The following PHKB variants were observed in gnomAD, a reference collection of about 807,000 sequenced individuals.
The protein encoded by PHKB is phosphorylase kinase regulatory subunit beta, also known as phosphorylase b kinase regulatory subunit beta.
PHKB carries 122 observed loss-of-function variants against 152.1 expected under a neutral mutation model. The ratio of observed to expected loss-of-function variants is 0.80; its 90% confidence interval spans 0.69 to 0.93. The LOEUF (loss-of-function observed/expected upper bound fraction) is 0.93. PHKB is among the 40% of genes least tolerant of loss of function. The probability of loss-of-function intolerance (pLI) is 0.00; values close to 1 mark genes in which losing one functional copy is unlikely to be tolerated. For missense variants in PHKB, 1,304 were observed against 1,328.4 expected, an observed-to-expected ratio of 0.98 and a Z score of 0.29; for synonymous variants, 436 against 464.9, an observed-to-expected ratio of 0.94 and a Z score of 0.80.
chr16:47,469,629 G>A (rs544682191), intron 1 of PHKB, among the ~76,000 whole-genome samples: 8 of 151,952 alleles, frequency 5.3e-5, no homozygotes, highest in Non-Finnish European at 1.0e-4. Context: ...GGCAGGGCAG[G>A]GGTTGAAAAA....
At chr16:47,493,648 G>A (rs1054815777) in intron 1 of PHKB, among the ~76,000 whole-genome samples, 70 of 152,126 alleles carry the variant, frequency 4.6e-4, no homozygotes, top group African/African-American at 1.5e-3. Context: ...CATAATTTTC[G>A]TTTTCCTTCC....
rs140022302 is a variant in PHKB at position 47,548,056 on chromosome 16, C to T, written c.710+508C>T. 9.4e-4 allele frequency: 152 copies of T among 161,470 alleles called. No individual in the cohort carries two copies. The East Asian group carries it at 0.012, about 13-fold the overall frequency. 10.0% of individuals were successfully genotyped at this position (161,470 alleles called of 1,614,324 possible). The stretch of plus-strand genomic sequence containing the variant: ...GATCAACATCTTGAGCTGTGGTTTA[C>T]TGCGTTTGAATAAGCAACAATAGCT... On this transcript the variant is annotated intron_variant, in intron 7 of 30. Coordinates refer to ENST00000323584, the MANE Select transcript of PHKB (RefSeq NM_000293.3).
At chr16:47,562,870 C>A (rs1426311853) in intron 7 of PHKB, among the ~76,000 whole-genome samples, 2 of 152,198 alleles carry the variant, frequency 1.3e-5, no homozygotes, top group African/African-American at 2.4e-5. Context: ...CAAACCCTGC[C>A]ACTGCTTTAT....
chr16:47,477,372 A>G (rs900838027), intron 1 of PHKB, among the ~76,000 whole-genome samples: 5 of 152,206 alleles, frequency 3.3e-5, no homozygotes, highest in Admixed American at 1.3e-4. Flanking sequence ...TAATAATACA[A>G]GTTGAATGAA....
intron 14 of PHKB, among the ~76,000 whole-genome samples, chr16:47,635,367 A>C (rs1197061728): frequency 6.6e-6 from 1 of 152,206 alleles, no homozygotes; most frequent in African/African-American, 2.4e-5. Flanking sequence ...TTAAGAGTAT[A>C]TAATTTAATA....
chr16:47,571,702 C>A (rs774270418), intron 7 of PHKB, among the ~76,000 whole-genome samples: 1 of 152,192 alleles, frequency 6.6e-6, no homozygotes, highest in Non-Finnish European at 1.5e-5. Flanking sequence ...CCAGCTGTAT[C>A]TGCGTTGTTG....
At chr16:47,685,194 A>G (rs529830016) in intron 26 of PHKB, among the ~76,000 whole-genome samples, 1 of 152,300 alleles carries the variant, frequency 6.6e-6, no homozygotes. Context: ...TGGGAGGCCG[A>G]GGTGGGCGGA....
chr16:47,563,493 A>T (rs1332814728), intron 7 of PHKB, among the ~76,000 whole-genome samples: 1 of 151,944 alleles, frequency 6.6e-6, no homozygotes, highest in Non-Finnish European at 1.5e-5. Flanking sequence ...CAAGGGAATC[A>T]TTTTTTTCTG....
intron 1 of PHKB, among the ~76,000 whole-genome samples, chr16:47,488,776 G>C (rs1370502401): frequency 6.6e-6 from 1 of 151,976 alleles, no homozygotes; most frequent in Non-Finnish European, 1.5e-5. Flanking sequence ...TTTATTTCTG[G>C]TTTCTGTAGC....
At chr16:47,471,838 G>A (rs1261701810) in intron 1 of PHKB, among the ~76,000 whole-genome samples, 3 of 152,124 alleles carry the variant, frequency 2.0e-5, no homozygotes, top group Non-Finnish European at 2.9e-5. Flanking sequence ...TATGTGTCAC[G>A]AGGTCAGGAG....
chr16:47,461,498 G>C (rs1969554896), intron 1 of PHKB, 72 bp downstream of exon 1: 1 of 1,500,970 alleles, frequency 6.7e-7, no homozygotes, highest in Non-Finnish European at 9.2e-7. Flanking sequence ...GCCTTGGCGG[G>C]AGGCAGGTGG....
At chr16:47,629,791 C>T (rs1207275965) in intron 14 of PHKB, among the ~76,000 whole-genome samples, 4 of 152,244 alleles carry the variant, frequency 2.6e-5, no homozygotes, top group East Asian at 1.9e-4. Context: ...CCAACAGTGA[C>T]AGACTGGATT....
At chr16:47,684,103 G>A (rs536490922) in intron 26 of PHKB, among the ~76,000 whole-genome samples, 17 of 151,892 alleles carry the variant, frequency 1.1e-4, no homozygotes, top group African/African-American at 4.1e-4. Flanking sequence ...AGGGGCCAAG[G>A]TGGATGAATC....
chr16:47,467,787 C>T (rs1034226741), intron 1 of PHKB, among the ~76,000 whole-genome samples: 10 of 152,160 alleles, frequency 6.6e-5, no homozygotes, highest in African/African-American at 2.4e-4. Context: ...TAGATTATCA[C>T]CAGTACTCAC....
chr16:47,689,752 C>G (rs1974027710), intron 27 of PHKB, among the ~76,000 whole-genome samples: 1 of 152,116 alleles, frequency 6.6e-6, no homozygotes, highest in Non-Finnish European at 1.5e-5. Flanking sequence ...CTGGCATTTA[C>G]CAAAGTGGTA....
At chr16:47,461,447 GC>G in intron 1 of PHKB, 21 bp downstream of exon 1, 1 of 1,611,362 alleles carries the variant, frequency 6.2e-7, no homozygotes, top group East Asian at 2.2e-5. Context: ...CTGGGGCGCC[GC>G]CCCCCACCCG....
chr16:47,621,851 T>G (rs1436593651), intron 14 of PHKB, among the ~76,000 whole-genome samples: 2 of 152,114 alleles, frequency 1.3e-5, no homozygotes, highest in Admixed American at 6.5e-5. Context: ...CAATTGGTAT[T>G]TATACCTGAG....
At chr16:47,651,564 A>G (rs1973238161) in intron 20 of PHKB, among the ~76,000 whole-genome samples, 1 of 152,320 alleles carries the variant, frequency 6.6e-6, no homozygotes, top group Middle Eastern at 3.4e-3. Context: ...CATGCAGACC[A>G]CAAATATACT....
At chr16:47,581,526 A>G (rs577640225) in intron 8 of PHKB, among the ~76,000 whole-genome samples, 2 of 148,586 alleles carry the variant, frequency 1.3e-5, no homozygotes, top group East Asian at 3.9e-4. Context: ...GAGTATGGCT[A>G]TTTAACTAAG....
Sources: allele counts gnomAD v4.1 joint callset (sites outside exome capture counted in the v4.1 genomes callset), GRCh38; gene constraint gnomAD v4.1.1; transcripts MANE v1.5; gene names NCBI Gene and HGNC (gene_info 2026-07-23, HGNC 2026-07-21).